C2CD5: variants seen among roughly 807,000 people sequenced by gnomAD.
C2CD5 encodes C2 domain-containing protein 5.
Under a neutral mutation model 130.3 loss-of-function variants are expected in C2CD5, and 109 were observed. The ratio of observed to expected loss-of-function variants is 0.84; its 90% CI spans 0.72 to 0.98. The LOEUF is 0.98. C2CD5 is among the 50% of genes least tolerant of loss of function. The pLI, the probability that C2CD5 is intolerant of heterozygous loss-of-function variation, is 0.00. For synonymous variants in C2CD5, 454 were observed against 429.2 expected, an observed-to-expected ratio of 1.06 and a Z score of -0.71; for missense variants, 996 against 1,261.8, an observed-to-expected ratio of 0.79 and a Z score of 3.19.
chr12:22,470,591 C>G (rs1201947351), intron 21 of C2CD5, among the ~76,000 whole-genome samples: 3 of 152,052 alleles, frequency 2.0e-5, no homozygotes, highest in East Asian at 3.8e-4. Flanking sequence ...GTCTAAAAAA[C>G]CAGCAGCATT....
At chr12:22,517,953 AG>A in intron 8 of C2CD5, 32 bp downstream of exon 8, 2 of 1,548,290 alleles carry the variant, frequency 1.3e-6, no homozygotes, top group Non-Finnish European at 1.7e-6. Context: ...TTTTTAAAAA[AG>A]AAAAAATAAA....
chr12:22,503,682 T>C (rs1188434026), intron 10 of C2CD5, among the ~76,000 whole-genome samples: 1 of 152,082 alleles, frequency 6.6e-6, no homozygotes, highest in Non-Finnish European at 1.5e-5. Context: ...CGGATAGTTT[T>C]TGTATTTTTG....
intron 11 of C2CD5, among the ~76,000 whole-genome samples, chr12:22,490,694 T>C (rs1946222975): frequency 6.6e-6 from 1 of 152,040 alleles, no homozygotes; most frequent in African/African-American, 2.4e-5. Context: ...ATTATAAAGG[T>C]TTCTGAAACA....
At chr12:22,535,781 A>C (rs1017928466) in intron 2 of C2CD5, among the ~76,000 whole-genome samples, 2 of 152,216 alleles carry the variant, frequency 1.3e-5, no homozygotes, top group East Asian at 1.9e-4. Context: ...GCTGGCAAAG[A>C]CCAAAAGATT....
intron 9 of C2CD5, among the ~76,000 whole-genome samples, chr12:22,511,645 A>T (rs1165409840): frequency 6.6e-6 from 1 of 152,240 alleles, no homozygotes; most frequent in African/African-American, 2.4e-5. Context: ...AAGAATGTTT[A>T]AATGCATATC....
At chr12:22,541,889 T>G (rs545940570) in intron 2 of C2CD5, among the ~76,000 whole-genome samples, 1 of 152,204 alleles carries the variant, frequency 6.6e-6, no homozygotes, top group East Asian at 1.9e-4. Context: ...TTATTCACCA[T>G]GTATATACAT....
chr12:22,479,763 C>CA (rs1457233958), intron 14 of C2CD5, among the ~76,000 whole-genome samples: 1 of 151,996 alleles, frequency 6.6e-6, no homozygotes, highest in African/African-American at 2.4e-5. Flanking sequence ...GGAAAACTAT[C>CA]ATGGGAAATA....
intron 16 of C2CD5, among the ~76,000 whole-genome samples, chr12:22,473,211 T>G (rs190036513): frequency 4.2e-4 from 64 of 152,320 alleles, no homozygotes; most frequent in African/African-American, 1.3e-3. Context: ...ATAATAGGTC[T>G]AAACTCTATT....
chr12:22,533,347 C>A (rs1951497915), intron 3 of C2CD5, among the ~76,000 whole-genome samples: 1 of 152,136 alleles, frequency 6.6e-6, no homozygotes, highest in Non-Finnish European at 1.5e-5. Context: ...ATGAGGTTAA[C>A]ACATGTAAAG....
At chr12:22,512,023 T>C (rs1003389481) in intron 9 of C2CD5, among the ~76,000 whole-genome samples, 1 of 152,232 alleles carries the variant, frequency 6.6e-6, no homozygotes, top group Non-Finnish European at 1.5e-5. Context: ...TTGGTTTTAA[T>C]AGCTGATTTG....
intron 13 of C2CD5, 42 bp downstream of exon 13, chr12:22,484,655 A>G (rs1945225004): frequency 3.3e-6 from 4 of 1,201,088 alleles, no homozygotes; most frequent in African/African-American, 1.6e-5. Context: ...TCCCTATCTC[A>G]TACTTTTTCA....
chr12:22,477,608 TG>T (rs1333264759), intron 15 of C2CD5, among the ~76,000 whole-genome samples: 11 of 152,162 alleles, frequency 7.2e-5, no homozygotes, highest in African/African-American at 2.2e-4. Flanking sequence ...ACTTTCCTTT[TG>T]TGAAAGTCTT....
chr12:22,451,542 G>A (rs2135933247), intron 26 of C2CD5, among the ~76,000 whole-genome samples: 1 of 152,194 alleles, frequency 6.6e-6, no homozygotes, highest in South Asian at 2.1e-4. Flanking sequence ...TATTATTTGG[G>A]TACAGAGGAA....
rs1390679375 is a variant in C2CD5 at position 22,496,223 on chromosome 12, C to T, written c.1148-2886G>A. Among the ~76,000 whole-genome samples the T allele has an allele frequency of 3.9e-5, 6 of 152,128 alleles. No homozygotes were observed. In the East Asian group the frequency reaches 1.2e-3, roughly 29 times the overall value. ...AGCAGTAATTATGATTCAGCCTATC[C>T]TATTACCAATAAAAATTCAGAGATA... On this transcript the variant is annotated intron_variant, in intron 10 of 26. Coordinates refer to ENST00000446597, the MANE Select transcript of C2CD5 (RefSeq NM_001286176.2).
chr12:22,472,447 C>A lies in C2CD5; in HGVS notation c.2108-100G>T, dbSNP rs895043622. 1.9e-5 allele frequency: 13 copies of A among 684,602 alleles called. No individual in the cohort carries two copies. The African/African-American group carries it at 2.2e-4, about 12-fold the overall frequency. The allele number at this position is 684,602 out of a possible 1,614,324, so 42.4% of individuals were successfully genotyped here. Reference sequence around the variant, plus strand: ...ATTATATGAAGTTCTAACTATAACACCCTTCATTTTTTTTCTTCTAAAACT... The same window carrying A: ...ATTATATGAAGTTCTAACTATAACAACCTTCATTTTTTTTCTTCTAAAACT... On this transcript the variant is annotated intron_variant, in intron 17 of 26. Coordinates refer to ENST00000446597, the MANE Select transcript of C2CD5 (RefSeq NM_001286176.2).
intron 2 of C2CD5, among the ~76,000 whole-genome samples, chr12:22,538,617 T>C (rs1284033339): frequency 1.3e-5 from 2 of 152,232 alleles, no homozygotes; most frequent in African/African-American, 4.8e-5. Flanking sequence ...TTTGGACTAC[T>C]CAGTAATCTG....
At chr12:22,486,075 T>C (rs1268231875) in intron 12 of C2CD5, among the ~76,000 whole-genome samples, 1 of 152,012 alleles carries the variant, frequency 6.6e-6, no homozygotes, top group Non-Finnish European at 1.5e-5. Flanking sequence ...ACACATCTTA[T>C]ATTCAAATTT....
In C2CD5 at chr12:22,513,383, C is replaced by A; in HGVS notation, c.953-4G>T. On this transcript the variant is annotated splice_polypyrimidine_tract_variant and splice_region_variant and intron_variant, in intron 8 of 26. Transcript: ENST00000446597. ...CCAGCACTACCACTTCCCATTCCTA[C>A]AGAACATCAGTACATAAATAACAAC... The A allele has an allele frequency of 6.3e-7, 1 of 1,592,506 alleles. No individual in the cohort carries two copies. Among genetic ancestry groups the A allele is most frequent in the South Asian group, 1.1e-5 (1 of 90,618 alleles).
chr12:22,533,214 G>GT (rs1240924341), intron 3 of C2CD5, among the ~76,000 whole-genome samples: 1 of 152,156 alleles, frequency 6.6e-6, no homozygotes, highest in African/African-American at 2.4e-5. Context: ...TGGTGGTCTG[G>GT]TAATAGCTTT....
Sources: gnomAD v4.1 joint callset for allele counts (sites outside exome capture counted in the v4.1 genomes callset) on GRCh38, gnomAD v4.1.1 for gene constraint, MANE v1.5 for transcripts, NCBI Gene and HGNC (gene_info 2026-07-23, HGNC 2026-07-21) for gene names.